NUP54: variants seen among roughly 807,000 people sequenced by gnomAD.
NUP54 encodes nucleoporin p54.
A neutral mutation model predicts 66.4 loss-of-function variants in NUP54; 27 were observed. That is an observed-to-expected ratio of 0.41 (90% CI 0.30 to 0.56). The LOEUF (loss-of-function observed/expected upper bound fraction) is 0.56. Among genes scored for constraint, NUP54 ranks in the 20% least tolerant of loss-of-function variants. NUP54 has a pLI of 0.34. For missense variants in NUP54, 486 were observed against 596.3 expected (o/e 0.82, Z 1.93); for synonymous variants, 206 against 210.7 (o/e 0.98, Z 0.19).
At chr4:76,120,063 A>C (rs1730161105) in intron 9 of NUP54, among the ~76,000 whole-genome samples, 1 of 151,684 alleles carries the variant, frequency 6.6e-6, no homozygotes, top group Non-Finnish European at 1.5e-5. Flanking sequence ...ACCAATAATC[A>C]ATAATTATTG....
Position 76,132,705 on chromosome 4 carries a change from A to C in NUP54, c.725T>G (p.Ile242Ser). ...ATTTGGCGAACGCTCAACAACATAAATAACAACTTCTGTCCTGAAGGAAGA... is the reference window on the plus strand; with the variant it reads ...ATTTGGCGAACGCTCAACAACATAACTAACAACTTCTGTCCTGAAGGAAGA... ...TLPDDQTEVV[I>S]YVVERSPNGT... Residue 242 changes from isoleucine (I) to serine (S), a missense_variant, in exon 6 of 12, where the codon ATT becomes AGT. Ile to Ser is a moderately radical substitution (Grantham distance 142, BLOSUM62 -2). Coordinates refer to ENST00000264883, the MANE Select transcript of NUP54 (RefSeq NM_017426.4). The C allele has an allele frequency of 6.2e-7, 1 of 1,612,414 alleles. No homozygotes were observed. Among genetic ancestry groups the C allele is most frequent in the Non-Finnish European group, 8.5e-7 (1 of 1,179,366 alleles).
intron 8 of NUP54, among the ~76,000 whole-genome samples, 170 bp from the exon 9 acceptor site, chr4:76,124,926 T>C (rs1160819043): frequency 1.3e-5 from 2 of 152,208 alleles, no homozygotes; most frequent in African/African-American, 4.8e-5. Context: ...TTTACATACC[T>C]AAAATTTTTT....
chr4:76,136,445 C>T lies in NUP54; in HGVS notation c.296-33G>A, dbSNP rs769723125. 3 of 1,542,860 alleles carry T rather than the reference C, an allele frequency of 1.9e-6. No homozygotes were observed. In the Admixed American group the frequency reaches 5.2e-5, roughly 27 times the overall value. Reference sequence around the variant, plus strand: ...TGTACCCAAAATTAGTATTTAAAAACAAAACAAAACAAAACTTAATCCAGA... The same window carrying T: ...TGTACCCAAAATTAGTATTTAAAAATAAAACAAAACAAAACTTAATCCAGA... On this transcript the variant is annotated intron_variant, in intron 3 of 11. Transcript: ENST00000264883.
chr4:76,118,822 A>G (rs977798159), intron 9 of NUP54, among the ~76,000 whole-genome samples: 4 of 151,844 alleles, frequency 2.6e-5, no homozygotes, highest in Non-Finnish European at 1.5e-5. Context: ...GGCTAACATG[A>G]TGAAACCCCG....
In NUP54 at chr4:76,136,237, A is replaced by G; in HGVS notation, c.471T>C (p.Asn157=). Residue 157 remains asparagine, a synonymous_variant, in exon 4 of 12, where the codon AAT becomes AAC. Transcript: ENST00000264883. The part of the protein sequence containing the change: ...FWGTGKGYFN[N]NIPPVEFTQE... ...GTGTGAATTCCACTGGCGGAATATT[A>G]TTGTTGAAATACCCTTTTCCTGTTC... The G allele has an allele frequency of 1.2e-6, 2 of 1,614,084 alleles. No individual in the cohort carries two copies. The highest frequency in any genetic ancestry group is 1.7e-6 in the Non-Finnish European group (2 of 1,179,972).
intron 8 of NUP54, 78 bp downstream of exon 8, chr4:76,130,578 C>CA: frequency 1.1e-6 from 1 of 920,634 alleles, no homozygotes; most frequent in Non-Finnish European, 1.8e-6. Flanking sequence ...AACAGTAGCA[C>CA]ATATACTAAA....
At chr4:76,139,740 T>A (rs985766897) in intron 3 of NUP54, among the ~76,000 whole-genome samples, 5 of 152,296 alleles carry the variant, frequency 3.3e-5, no homozygotes, top group Middle Eastern at 3.4e-3. Context: ...AAAGTAAGCA[T>A]GAAATGACAC....
rs1202007369 is a variant in NUP54 at position 76,132,532 on chromosome 4, G to A, written c.898C>T (p.Pro300Ser). 1.9e-6 allele frequency: 3 copies of A among 1,587,698 alleles called. No individual in the cohort carries two copies. In the South Asian group the frequency reaches 3.5e-5, roughly 19 times the overall value. ...PAQIKQLLQNPPAGVDPIIWE... is the reference protein window; with the variant it reads ...PAQIKQLLQNSPAGVDPIIWE... ...GATTCTAGAAACATACCAGCAGGAG[G>A]ATTCTGTAAAAGCTGTTTGATCTGT... Residue 300 changes from proline (P) to serine (S), a missense_variant, in exon 6 of 12, where the codon CCT (proline) becomes TCT (serine). By Grantham distance (74) the Pro-to-Ser change is moderately conservative (BLOSUM62 -1). Transcript: ENST00000264883.
intron 3 of NUP54, among the ~76,000 whole-genome samples, chr4:76,143,001 G>A (rs1423582411): frequency 6.6e-6 from 1 of 152,040 alleles, no homozygotes. Flanking sequence ...GAATCCAGGT[G>A]GAATGGCACT....
chr4:76,129,863 C>CAA lies in NUP54; in HGVS notation c.1056+791_1056+792dup, dbSNP rs747413034. On this transcript the variant is annotated intron_variant, in intron 8 of 11. Coordinates refer to ENST00000264883, the MANE Select transcript of NUP54 (RefSeq NM_017426.4). ...CTGGGCGACAGAGCGAGAGACGTCT[C>CAA]AAAAAAAAAAAAAAAAAAAAAAAAA... Among the ~76,000 whole-genome samples the CAA allele has an allele frequency of 3.0e-3, 113 of 37,604 alleles. 10 individuals carry two copies. The highest frequency in any genetic ancestry group is 5.9e-3 in the Non-Finnish European group (95 of 15,984). 24.7% of individuals were successfully genotyped at this position (37,604 alleles called of 152,430 possible). A position where few individuals can be genotyped will look rare whatever the true frequency, so the allele number is the denominator to read the frequency against.
intron 4 of NUP54, 128 bp from the exon 5 acceptor site, chr4:76,134,490 G>C: frequency 2.6e-6 from 2 of 768,492 alleles, no homozygotes; most frequent in African/African-American, 1.8e-5. Flanking sequence ...AGGGAATAAT[G>C]ATTCTTCCCA....
chr4:76,135,113 A>C (rs576706830), intron 4 of NUP54, among the ~76,000 whole-genome samples: 3 of 152,298 alleles, frequency 2.0e-5, no homozygotes, highest in East Asian at 3.9e-4. Flanking sequence ...TTTACAAATA[A>C]ATACTTTTAA....
At position 76,144,232 on chromosome 4, in the gene NUP54, G is replaced by A. The variant is rs753974041; in HGVS notation, c.212C>T (p.Thr71Met). Residue 71 changes from threonine to methionine, a missense_variant, in exon 3 of 12, where the codon ACG becomes ATG. Thr to Met is a moderately conservative substitution (Grantham distance 81). Around this residue, in one of 4 missense-constraint regions of NUP54, gnomAD observed 145 missense variants for 137.1 expected, o/e 1.06. Coordinates refer to ENST00000264883, the MANE Select transcript of NUP54 (RefSeq NM_017426.4). Reference sequence around the variant, plus strand: ...AGTACCTAAACCAGTACTAGTTCCCGTTGTTGTGCCAAAACCAGTACCAAA... The same window carrying A: ...AGTACCTAAACCAGTACTAGTTCCCATTGTTGTGCCAAAACCAGTACCAAA... ...FGFGTGFGTT[T>M]GTSTGLGTGL... 60 of 1,613,382 alleles carry A rather than the reference G, an allele frequency of 3.7e-5. No individual in the cohort carries two copies. The highest frequency in any genetic ancestry group is 4.7e-5 in the Non-Finnish European group (56 of 1,179,772).
intron 8 of NUP54, among the ~76,000 whole-genome samples, chr4:76,124,984 A>G (rs111733265): frequency 2.0e-5 from 3 of 152,156 alleles, no homozygotes; most frequent in African/African-American, 4.8e-5. Flanking sequence ...AAATTTAGCA[A>G]TGAGGCAATA....
At chr4:76,118,575 G>A in intron 9 of NUP54, 1 of 78,128 alleles carries the variant, frequency 1.3e-5, no homozygotes, top group Admixed American at 1.3e-4. Context: ...TGGCGGGGTG[G>A]GGGGGGGGGT....
At chr4:76,144,507 A>C in intron 1 of NUP54, 34 bp from the exon 2 acceptor site, 3 of 1,505,222 alleles carry the variant, frequency 2.0e-6, no homozygotes, top group Non-Finnish European at 1.8e-6. Context: ...GAAAGGAAGA[A>C]TCTTTTGTAT....
intron 8 of NUP54, among the ~76,000 whole-genome samples, chr4:76,129,384 A>G (rs1730679669): frequency 6.6e-6 from 1 of 152,206 alleles, no homozygotes; most frequent in African/African-American, 2.4e-5. Context: ...TGAAAGGAGA[A>G]AAACACAAAT....
chr4:76,144,526 G>T, intron 1 of NUP54, 53 bp from the exon 2 acceptor site: 1 of 1,283,294 alleles, frequency 7.8e-7, no homozygotes, highest in Non-Finnish European at 1.1e-6. Flanking sequence ...ATATATAAAG[G>T]CAACTTCTTT....
intron 3 of NUP54, among the ~76,000 whole-genome samples, chr4:76,138,679 A>G (rs1294230568): frequency 6.6e-6 from 1 of 152,202 alleles, no homozygotes; most frequent in Non-Finnish European, 1.5e-5. Flanking sequence ...AGGGGTCAAG[A>G]GAAGACAGTT....
Sources: allele counts gnomAD v4.1 joint callset (sites outside exome capture counted in the v4.1 genomes callset), GRCh38; gene constraint gnomAD v4.1.1; regional missense constraint gnomAD v4.1.1; transcripts MANE v1.5; gene names NCBI Gene and HGNC (gene_info 2026-07-23, HGNC 2026-07-21).